The following PRCP variants were observed in gnomAD, a reference collection of about 807,000 sequenced individuals.
PRCP encodes prolylcarboxypeptidase, also known as lysosomal Pro-X carboxypeptidase.
In PRCP, 46 loss-of-function variants were observed where a neutral mutation model predicts 54.2. That is an observed-to-expected ratio of 0.85 (90% confidence interval 0.67 to 1.09). PRCP has a LOEUF of 1.09. Among genes scored for constraint, PRCP ranks in the 50% least tolerant of loss-of-function variants. PRCP has a pLI of 0.00. For missense variants in PRCP, 613 were observed against 596.8 expected, an observed-to-expected ratio of 1.03 and a Z score of -0.28; for synonymous variants, 240 against 212.2, an observed-to-expected ratio of 1.13 and a Z score of -1.14.
chr11:82,825,585 A>G (rs915001034), intron 8 of PRCP: 3 of 145,906 alleles, frequency 2.1e-5, no homozygotes, highest in African/African-American at 7.6e-5. Flanking sequence ...CCTGGGCAAC[A>G]TGGTGAAACT....
At chr11:82,879,804 C>T (rs1398219088) in intron 1 of PRCP, among the ~76,000 whole-genome samples, 1 of 152,200 alleles carries the variant, frequency 6.6e-6, no homozygotes, top group Non-Finnish European at 1.5e-5. Flanking sequence ...GAGGTCCCTT[C>T]CAGACCCTGT....
At position 82,848,954 on chromosome 11, in the gene PRCP, G is replaced by T; in HGVS notation, c.921+95C>A. On this transcript the variant is annotated intron_variant, in intron 6 of 8. Coordinates refer to ENST00000313010, the MANE Select transcript of PRCP (RefSeq NM_005040.4). ...GTTTGACAAACTCTGGAGCCCCTTTGTCACTGGGACTTTCTCTGAGGCAGA... is the reference window on the plus strand; with the variant it reads ...GTTTGACAAACTCTGGAGCCCCTTTTTCACTGGGACTTTCTCTGAGGCAGA... 3.9e-6 allele frequency: 5 copies of T among 1,297,652 alleles called. No individual in the cohort carries two copies. In the South Asian group the frequency reaches 7.5e-5, roughly 19 times the overall value. 80.4% of individuals were successfully genotyped at this position (1,297,652 alleles called of 1,614,324 possible).
intron 1 of PRCP, among the ~76,000 whole-genome samples, chr11:82,862,966 G>T (rs151201897): frequency 6.6e-6 from 1 of 152,312 alleles, no homozygotes; most frequent in African/African-American, 2.4e-5. Flanking sequence ...AAATGAAAGG[G>T]CAAGAAAGGC....
chr11:82,880,836 GAAAA>G (rs35371555), intron 1 of PRCP, among the ~76,000 whole-genome samples: 5 of 137,912 alleles, frequency 3.6e-5, no homozygotes, highest in African/African-American at 1.3e-4. Context: ...CCTTATGGAG[GAAAA>G]AAAAAAAAAA....
chr11:82,857,183 G>T (rs1189108220), intron 2 of PRCP, among the ~76,000 whole-genome samples: 1 of 152,006 alleles, frequency 6.6e-6, no homozygotes, highest in African/African-American at 2.4e-5. Context: ...CTCCCTAGGG[G>T]GTTTCAATTA....
At chr11:82,828,124 ATTC>A (rs1308253974) in intron 8 of PRCP, 2 of 152,192 alleles carry the variant, frequency 1.3e-5, no homozygotes, top group East Asian at 3.8e-4. Flanking sequence ...TTTAATTACA[ATTC>A]TTTTATAAAA....
chr11:82,898,989 AAT>A (rs1491585981), intron 1 of PRCP, among the ~76,000 whole-genome samples: 1 of 130,588 alleles, frequency 7.7e-6, no homozygotes, highest in African/African-American at 3.1e-5. Context: ...TATTTTTAAA[AAT>A]AAAAAAATTT....
rs581939 is a variant in PRCP, at chr11:82,823,122, T to G, written c.*1784A>C. 0.23 allele frequency among the ~76,000 whole-genome samples: 34,327 copies of G among 152,164 alleles called. 4,299 individuals are homozygous for G. The highest frequency in any genetic ancestry group is 0.3 in the Admixed American group (4,652 of 15,294). On this transcript the variant is annotated 3_prime_UTR_variant, in exon 9 of 9. Transcript: ENST00000313010. ...TACAGTAATAGGATACAATTATGCT[T>G]GCCAAAAAATTCTATTTTTTGCAGT...
intron 1 of PRCP, among the ~76,000 whole-genome samples, chr11:82,870,693 T>C (rs1317803245): frequency 6.6e-6 from 1 of 152,190 alleles, no homozygotes; most frequent in Non-Finnish European, 1.5e-5. Context: ...TGCCTAGGCC[T>C]CCATAAAGCT....
chr11:82,859,845 T>G, intron 2 of PRCP, 132 bp downstream of exon 2: 1 of 871,354 alleles, frequency 1.1e-6, no homozygotes, highest in Non-Finnish European at 1.6e-6. Context: ...TGTGTTAATT[T>G]TTTTGTTATT....
intron 1 of PRCP, among the ~76,000 whole-genome samples, chr11:82,881,622 T>C (rs533709500): frequency 1.3e-5 from 2 of 152,228 alleles, no homozygotes; most frequent in South Asian, 2.1e-4. Context: ...GGGGGTATTA[T>C]AATAAGTTAG....
Position 82,825,014 on chromosome 11 carries a change from G to T in PRCP, c.1383C>A (p.Thr461=). 1 of 1,614,122 alleles carries T rather than the reference G, an allele frequency of 6.2e-7. No homozygotes were observed. ...SEGAHHLDLR[T]KNALDPMSVL... is the part of the protein sequence containing the mutation. The stretch of plus-strand genomic sequence containing the variant: ...CAGACATAGGATCCAAGGCATTCTT[G>T]GTGCGGAGATCTAAGTGGTGGGCCC... The change falls in exon 9 of 9, where the codon ACC becomes ACA. Residue 461 remains threonine (T), a synonymous_variant. Transcript: ENST00000313010.
rs563667652 is a variant in PRCP at position 82,833,950 on chromosome 11, A to G, written c.1274+4437T>C. Among the ~76,000 whole-genome samples the G allele has an allele frequency of 3.3e-5, 5 of 152,276 alleles. No individual in the cohort carries two copies. In the South Asian group the frequency reaches 6.2e-4, roughly 19 times the overall value. On this transcript the variant is annotated intron_variant, in intron 8 of 8. Coordinates refer to ENST00000313010, the MANE Select transcript of PRCP (RefSeq NM_005040.4). Reference sequence around the variant, plus strand: ...CTCACAAAATATGCCCCCTTCTCCAATGATGATGATAATAGTAATGATGAT... The same window carrying G: ...CTCACAAAATATGCCCCCTTCTCCAGTGATGATGATAATAGTAATGATGAT...
At chr11:82,873,069 T>TTTTG (rs1859516141) in intron 1 of PRCP, among the ~76,000 whole-genome samples, 1 of 150,842 alleles carries the variant, frequency 6.6e-6, no homozygotes, top group South Asian at 2.1e-4. Context: ...CTGATCTGTT[T>TTTTG]TTTTTTTTTT....
chr11:82,826,622 T>A (rs1443649245), intron 8 of PRCP: 1 of 152,244 alleles, frequency 6.6e-6, no homozygotes, highest in Non-Finnish European at 1.5e-5. Context: ...CTTATTATTA[T>A]CTGTCTATTT....
At chr11:82,876,709 G>A (rs1041857464) in intron 1 of PRCP, among the ~76,000 whole-genome samples, 1 of 152,160 alleles carries the variant, frequency 6.6e-6, no homozygotes, top group Non-Finnish European at 1.5e-5. Context: ...CCATGATTCT[G>A]AGGCCTCCCC....
intron 1 of PRCP, among the ~76,000 whole-genome samples, chr11:82,883,431 T>C (rs1859796192): frequency 1.3e-5 from 2 of 152,036 alleles, no homozygotes; most frequent in Non-Finnish European, 2.9e-5. Flanking sequence ...AATAATGAAA[T>C]GAAAAATGTG....
chr11:82,886,743 C>A lies in PRCP; in HGVS notation c.168+13492G>T, dbSNP rs189508728. 1.9e-3 allele frequency among the ~76,000 whole-genome samples: 289 copies of A among 152,308 alleles called. 2 individuals carry two copies. The highest frequency in any genetic ancestry group is 6.4e-3 in the African/African-American group (268 of 41,558). The stretch of plus-strand genomic sequence containing the variant: ...TGCAATCATGCATAAATCACTTCAG[C>A]CTCTGAGCCCTTTTTCCTCTATAAA... On this transcript the variant is annotated intron_variant, in intron 1 of 8. Transcript: ENST00000313010.
At chr11:82,884,921 A>G (rs1422745017) in intron 1 of PRCP, 2 of 1,610,076 alleles carry the variant, frequency 1.2e-6, no homozygotes, top group Non-Finnish European at 1.7e-6. Flanking sequence ...TTACTAATAT[A>G]TTTTGAAAGG....
Sources: allele counts gnomAD v4.1 joint callset (sites outside exome capture counted in the v4.1 genomes callset), GRCh38; gene constraint gnomAD v4.1.1; transcripts MANE v1.5; gene names NCBI Gene and HGNC (gene_info 2026-07-23, HGNC 2026-07-21).